POLQ: variants seen among roughly 807,000 people sequenced by gnomAD.
The protein encoded by POLQ is DNA polymerase theta.
POLQ carries 233 observed loss-of-function variants against 259.2 expected under a neutral mutation model. The observed-to-expected ratio is 0.90, with a 90% CI of 0.81 to 1.00. POLQ has a LOEUF of 1.00. Ranked by LOEUF, POLQ falls within the 50% of genes least tolerant of loss-of-function variation. POLQ has a pLI of 0.00. For synonymous variants in POLQ, 1,025 were observed against 1,048.8 expected, an observed-to-expected ratio of 0.98 and a Z score of 0.44; for missense variants, 2,871 against 3,051.6, an observed-to-expected ratio of 0.94 and a Z score of 1.39.
At chr3:121,448,386 G>A (rs888988775) in intron 26 of POLQ, among the ~76,000 whole-genome samples, 3 of 151,076 alleles carry the variant, frequency 2.0e-5, no homozygotes, top group Non-Finnish European at 2.9e-5. Context: ...TTATTTTTTG[G>A]GATGGAGTTT....
At chr3:121,490,845 C>T (rs1174848548) in intron 15 of POLQ, among the ~76,000 whole-genome samples, 4 of 151,948 alleles carry the variant, frequency 2.6e-5, no homozygotes, top group African/African-American at 7.3e-5. Flanking sequence ...CTTGAGGCAA[C>T]GAGTTCGAGA....
chr3:121,532,686 A>T (rs1033987463), intron 6 of POLQ, among the ~76,000 whole-genome samples: 2 of 151,014 alleles, frequency 1.3e-5, no homozygotes, highest in African/African-American at 4.9e-5. Context: ...GGCGCCCACC[A>T]CCACACCCAG....
rs1348492043 is a variant in POLQ, at chr3:121,490,423, G to A, written c.2523-15C>T. 6.3e-7 allele frequency: 1 copy of A among 1,597,348 alleles called. No individual in the cohort carries two copies. The highest frequency in any genetic ancestry group is 8.6e-7 in the Non-Finnish European group (1 of 1,166,396). On this transcript the variant is annotated splice_polypyrimidine_tract_variant and intron_variant, in intron 15 of 29. Coordinates refer to ENST00000264233, the MANE Select transcript of POLQ (RefSeq NM_199420.4). ...CCTTCCGGGCACTACACAAGGAGATGGGAAAAGACAGAAATGAATTCATTC... is the reference window on the plus strand; with the variant it reads ...CCTTCCGGGCACTACACAAGGAGATAGGAAAAGACAGAAATGAATTCATTC...
chr3:121,544,871 C>G lies in POLQ; in HGVS notation c.199G>C (p.Asp67His), dbSNP rs950955931. The change falls in exon 2 of 30, where the codon GAC (aspartate) becomes CAC (histidine). Residue 67 changes from aspartate (D) to histidine (H), a missense_variant. This residue lies in a region of POLQ where 783 missense variants were observed against 906.2 expected (regional missense o/e 0.86). Coordinates refer to ENST00000264233, the MANE Select transcript of POLQ (RefSeq NM_199420.4). ...CKPTVPDYER[D>H]KLLLANWGLP... is the part of the protein sequence containing the mutation. ...CCCCAGTTTGCCAATAGTAGCTTGT[C>G]TCTTTCGTAGTCAGGAACTGTAGGC... is the stretch of plus-strand genomic sequence containing the variant. 1 of 1,611,100 alleles carries G rather than the reference C, an allele frequency of 6.2e-7. No individual in the cohort carries two copies. The highest frequency in any genetic ancestry group is 1.1e-5 in the South Asian group (1 of 90,788).
chr3:121,509,913 TACAC>T, intron 11 of POLQ, 122 bp downstream of exon 11: 5 of 887,910 alleles, frequency 5.6e-6, no homozygotes, highest in Non-Finnish European at 7.0e-6. Context: ...AATGAGTTGA[TACAC>T]TGCTCAAAAA....
intron 25 of POLQ, among the ~76,000 whole-genome samples, chr3:121,456,432 G>C (rs1428649565): frequency 6.6e-6 from 1 of 152,086 alleles, no homozygotes; most frequent in Non-Finnish European, 1.5e-5. Flanking sequence ...AGGAAAAGAG[G>C]AAGTCAAATT....
At chr3:121,512,776 T>C (rs1442800424) in intron 9 of POLQ, among the ~76,000 whole-genome samples, 1 of 152,256 alleles carries the variant, frequency 6.6e-6, no homozygotes, top group Non-Finnish European at 1.5e-5. Context: ...TTAACCATTA[T>C]TATTGAATAA....
intron 9 of POLQ, among the ~76,000 whole-genome samples, chr3:121,517,178 T>G (rs962269182): frequency 1.3e-5 from 2 of 152,116 alleles, no homozygotes; most frequent in African/African-American, 4.8e-5. Context: ...TCCCCAGAGG[T>G]GTGAGTCCAC....
chr3:121,544,785 C>A lies in POLQ; in HGVS notation c.285G>T (p.Trp95Cys). The A allele has an allele frequency of 3.1e-6, 5 of 1,613,604 alleles. No individual in the cohort carries two copies. The highest frequency in any genetic ancestry group is 3.4e-6 in the Non-Finnish European group (4 of 1,179,544). The change falls in exon 2 of 30, where the codon TGG becomes TGT. Residue 95 changes from tryptophan (W) to cysteine (C), a missense_variant. Trp to Cys is a radical substitution (Grantham distance 215). Around this residue, in one of 3 missense-constraint regions of POLQ, gnomAD observed 783 missense variants for 906.2 expected, o/e 0.86. Transcript: ENST00000264233. The stretch of plus-strand genomic sequence containing the variant: ...GTCCAAGCAAAAGGCACTCTGCCTG[C>A]CATTCAAACATCTTTTTTACACCAA... Reference protein sequence around the residue: ...HSFGVKKMFEWQAECLLLGQV... With the variant: ...HSFGVKKMFECQAECLLLGQV...
chr3:121,485,982 C>T (rs767170329), intron 16 of POLQ, among the ~76,000 whole-genome samples: 9 of 152,146 alleles, frequency 5.9e-5, no homozygotes, highest in Non-Finnish European at 8.8e-5. Context: ...ACAACTGGTC[C>T]CCACAATCCA....
At chr3:121,473,597 G>T in intron 20 of POLQ, 110 bp from the exon 21 acceptor site, 1 of 943,200 alleles carries the variant, frequency 1.1e-6, no homozygotes, top group Non-Finnish European at 1.6e-6. Context: ...AACATGGATT[G>T]AAATAATGTT....
At chr3:121,465,890 G>T (rs1329348708) in intron 24 of POLQ, among the ~76,000 whole-genome samples, 1 of 152,134 alleles carries the variant, frequency 6.6e-6, no homozygotes, top group Non-Finnish European at 1.5e-5. Context: ...GTGTTCAAGT[G>T]AAAGGGAAAG....
chr3:121,439,228 CTTTT>C (rs5852268), intron 27 of POLQ, among the ~76,000 whole-genome samples: 1 of 143,050 alleles, frequency 7.0e-6, no homozygotes, highest in Non-Finnish European at 1.5e-5. Context: ...GAGATAGTGC[CTTTT>C]TTTTTTTTTT....
chr3:121,518,445 C>A (rs541402492), intron 9 of POLQ, among the ~76,000 whole-genome samples: 1 of 152,296 alleles, frequency 6.6e-6, no homozygotes, highest in South Asian at 2.1e-4. Flanking sequence ...CTTGTTCAAC[C>A]ACAGCAGGGA....
chr3:121,437,186 T>G (rs185060547), intron 27 of POLQ, among the ~76,000 whole-genome samples: 1 of 152,166 alleles, frequency 6.6e-6, no homozygotes, highest in Admixed American at 6.5e-5. Flanking sequence ...CTGGGCAACA[T>G]AGTGAGACCC....
In POLQ at chr3:121,487,372, T is replaced by C; in HGVS notation, c.5559A>G (p.Ser1853=). ...AACTTCTAATCTTTTCACAAGCCAG[T>C]GAGATGGAAAATCGCTTTTTGCACC... ...EWRCKKRFSI[S]LACEKIRSLT... Residue 1853 remains serine (S), a synonymous_variant, in exon 16 of 30, where the codon TCA becomes TCG. Coordinates refer to ENST00000264233, the MANE Select transcript of POLQ (RefSeq NM_199420.4). 6.2e-7 allele frequency: 1 copy of C among 1,613,734 alleles called. No individual in the cohort carries two copies. Among genetic ancestry groups the C allele is most frequent in the Non-Finnish European group, 8.5e-7 (1 of 1,179,686 alleles).
At chr3:121,462,059 C>T (rs908865692) in intron 24 of POLQ, among the ~76,000 whole-genome samples, 2 of 152,172 alleles carry the variant, frequency 1.3e-5, no homozygotes, top group Admixed American at 1.3e-4. Context: ...AAACGTCACG[C>T]TCACTGGGGC....
chr3:121,476,161 G>A (rs1192408314), intron 20 of POLQ, among the ~76,000 whole-genome samples: 1 of 151,914 alleles, frequency 6.6e-6, no homozygotes, highest in Non-Finnish European at 1.5e-5. Flanking sequence ...AAGATGTTAG[G>A]GCAAGCAAGG....
intron 29 of POLQ, 59 bp downstream of exon 29, chr3:121,432,859 G>A (rs951586188): frequency 1.4e-5 from 14 of 991,970 alleles, no homozygotes; most frequent in Admixed American, 7.0e-5. Context: ...CAAAGCTGTC[G>A]GCCTGACAAT....
Sources: allele counts gnomAD v4.1 joint callset (sites outside exome capture counted in the v4.1 genomes callset), GRCh38; gene constraint gnomAD v4.1.1; regional missense constraint gnomAD v4.1.1; transcripts MANE v1.5; gene names NCBI Gene and HGNC (gene_info 2026-07-23, HGNC 2026-07-21).